CRTAC1: variants seen among roughly 807,000 people sequenced by gnomAD.
CRTAC1 encodes cartilage acidic protein 1.
CRTAC1 carries 37 observed loss-of-function variants against 67.8 expected under a neutral mutation model. The observed-to-expected ratio is 0.55, with a 90% confidence interval of 0.42 to 0.72. The LOEUF is 0.72. CRTAC1 is among the 30% of genes least tolerant of loss of function. CRTAC1 has a pLI of 0.00. For missense variants in CRTAC1, 780 were observed against 931.6 expected (o/e 0.84, Z 2.12); for synonymous variants, 348 against 371.0 (o/e 0.94, Z 0.71).
intron 14 of CRTAC1, chr10:97,867,317 G>A (rs2050039322): frequency 6.6e-6 from 1 of 152,204 alleles, no homozygotes; most frequent in Non-Finnish European, 1.5e-5. Context: ...CAGCCCCTGG[G>A]GCTGGTGTCC....
chr10:98,023,841 C>G (rs578046052), intron 1 of CRTAC1, among the ~76,000 whole-genome samples: 1 of 152,288 alleles, frequency 6.6e-6, no homozygotes, highest in Admixed American at 6.5e-5. Flanking sequence ...CTCAGGGGAG[C>G]CTCAAGTGAC....
chr10:97,936,487 G>A (rs1036216447), intron 2 of CRTAC1, 121 bp from the exon 3 acceptor site: 12 of 724,254 alleles, frequency 1.7e-5, no homozygotes, highest in Non-Finnish European at 2.4e-5. Context: ...CAGACCTGGA[G>A]TGTTCCCAGG....
Position 97,865,615 on chromosome 10 carries a change from G to C in CRTAC1, c.1919C>G (p.Pro640Arg), listed in dbSNP as rs1010380728. The C allele has an allele frequency of 6.2e-7, 1 of 1,613,492 alleles. No individual in the cohort carries two copies. The highest frequency in any genetic ancestry group is 8.5e-7 in the Non-Finnish European group (1 of 1,179,598). ...ATTGAGATCTCCATCTACGAGGACC[G>C]GTGCAGCAGTGGCAGCTCCAGCAGC... The part of the protein sequence containing the change: ...AAAAGAATAA[P>R]VLVDGDLNLG... The change falls in exon 15 of 15, where the codon CCG becomes CGG. Residue 640 changes from proline (P) to arginine (R), a missense_variant. Transcript: ENST00000370597.
At chr10:97,934,791 C>T (rs983341991) in intron 3 of CRTAC1, among the ~76,000 whole-genome samples, 1 of 152,110 alleles carries the variant, frequency 6.6e-6, no homozygotes, top group Non-Finnish European at 1.5e-5. Context: ...GAGCCCACTG[C>T]ACATTCAACC....
intron 13 of CRTAC1, among the ~76,000 whole-genome samples, chr10:97,880,812 C>T: frequency 6.6e-6 from 1 of 152,140 alleles, no homozygotes; most frequent in East Asian, 1.9e-4. Context: ...CCTGCCCTGC[C>T]CATATTCTGG....
intron 1 of CRTAC1, among the ~76,000 whole-genome samples, chr10:98,015,877 T>C (rs1228572625): frequency 1.3e-5 from 2 of 152,196 alleles, no homozygotes; most frequent in Admixed American, 6.5e-5. Context: ...CCAGGTTCCA[T>C]ACTGTAGCTC....
intron 2 of CRTAC1, among the ~76,000 whole-genome samples, chr10:97,967,945 C>T (rs1352692036): frequency 2.0e-5 from 3 of 152,226 alleles, no homozygotes; most frequent in South Asian, 2.1e-4. Context: ...CTTTGTCTTC[C>T]GTCTTTCAGG....
rs140168090 is a variant in CRTAC1, at chr10:98,029,627, C to T, written c.24+822G>A. Among the ~76,000 whole-genome samples the T allele has an allele frequency of 3.9e-5, 6 of 152,300 alleles. No homozygotes were observed. The highest frequency in any genetic ancestry group is 1.4e-4 in the African/African-American group (6 of 41,576). ...CCACTCTGGGAGGCTTCCATCCAGG[C>T]TGGGATGACTTTGGATTCTTGAGTT... On this transcript the variant is annotated intron_variant, in intron 1 of 14. Coordinates refer to ENST00000370597, the MANE Select transcript of CRTAC1 (RefSeq NM_018058.7). This position sits in a 1 kb window ranked among gnomAD's most constrained non-coding sequence, Gnocchi z 4.7.
chr10:97,949,510 C>T (rs1477113245), intron 2 of CRTAC1, among the ~76,000 whole-genome samples: 3 of 152,212 alleles, frequency 2.0e-5, no homozygotes, highest in East Asian at 1.9e-4. Context: ...TCTTAAGATC[C>T]GGGACAAGGG....
chr10:97,929,538 C>T (rs1458946554), intron 3 of CRTAC1, among the ~76,000 whole-genome samples: 1 of 152,130 alleles, frequency 6.6e-6, no homozygotes, highest in African/African-American at 2.4e-5. Flanking sequence ...AAGGCAGAGG[C>T]CTCAGCCTCC....
intron 12 of CRTAC1, among the ~76,000 whole-genome samples, 186 bp from the exon 13 acceptor site, chr10:97,883,014 C>T (rs192907562): frequency 9.3e-4 from 142 of 152,332 alleles, no homozygotes; most frequent in African/African-American, 2.5e-3. Context: ...AGAAGGCTGG[C>T]GGGAAGGCCA....
chr10:97,923,571 A>G (rs981402907), intron 3 of CRTAC1, among the ~76,000 whole-genome samples, 171 bp from the exon 4 acceptor site: 1 of 152,000 alleles, frequency 6.6e-6, no homozygotes, highest in African/African-American at 2.4e-5. Flanking sequence ...TTTGGGGAGC[A>G]CTCACATGTT....
chr10:97,897,889 A>G (rs2050483615), intron 8 of CRTAC1, among the ~76,000 whole-genome samples: 1 of 152,202 alleles, frequency 6.6e-6, no homozygotes, highest in South Asian at 2.1e-4. Context: ...TGCAGGTTGC[A>G]TGTGAGAAAC....
At position 97,917,516 on chromosome 10, in the gene CRTAC1, C is replaced by T. The variant is rs1293402920; in HGVS notation, c.699G>A (p.Gly233=). Residue 233 remains glycine, a synonymous_variant, in exon 5 of 15, where the codon GGG becomes GGA. Transcript: ENST00000370597. ...LALRDVAAEA[G]VSKYTGGRGV... ...TCTGCATACCTGTATATTTGCTGAC[C>T]CCAGCCTCAGCAGCCACATCTCTGA... The T allele has an allele frequency of 1.9e-6, 3 of 1,583,660 alleles. No individual in the cohort carries two copies. The highest frequency in any genetic ancestry group is 2.3e-5 in the South Asian group (2 of 85,352).
intron 5 of CRTAC1, among the ~76,000 whole-genome samples, chr10:97,911,929 G>A (rs538939837): frequency 6.6e-6 from 1 of 152,270 alleles, no homozygotes; most frequent in Admixed American, 6.5e-5. Context: ...ACTCCACCTT[G>A]CATCAATTAA....
intron 1 of CRTAC1, among the ~76,000 whole-genome samples, chr10:98,024,746 C>CTTTTTTTTTTTTTTT (rs749919406): frequency 1.5e-5 from 1 of 65,024 alleles, no homozygotes; most frequent in Non-Finnish European, 3.2e-5. Flanking sequence ...TTATATTATC[C>CTTTTTTTTTTTTTTT]TTTTTTTTTT....
chr10:97,925,944 C>A (rs558666708), intron 3 of CRTAC1, among the ~76,000 whole-genome samples: 1 of 152,102 alleles, frequency 6.6e-6, no homozygotes, highest in Non-Finnish European at 1.5e-5. Context: ...ACGTTGGGAC[C>A]CCTTGAGACC....
intron 14 of CRTAC1, chr10:97,879,772 A>G: frequency 6.5e-7 from 1 of 1,550,020 alleles, no homozygotes; most frequent in African/African-American, 1.4e-5. Flanking sequence ...GAGGCGGCTG[A>G]AGAATACCCA....
chr10:97,971,751 T>C, intron 2 of CRTAC1, among the ~76,000 whole-genome samples: 1 of 152,264 alleles, frequency 6.6e-6, no homozygotes, highest in East Asian at 1.9e-4. Context: ...GGTTTATTTA[T>C]ATACCTTGGA....
Sources: gnomAD v4.1 joint callset for allele counts (sites outside exome capture counted in the v4.1 genomes callset) on GRCh38, gnomAD v4.1.1 for gene constraint, Gnocchi (gnomAD v3.1) non-coding constraint, MANE v1.5 for transcripts, NCBI Gene and HGNC (gene_info 2026-07-23, HGNC 2026-07-21) for gene names.